CDK14: variants seen among roughly 807,000 people sequenced by gnomAD.
CDK14 encodes cyclin dependent kinase 14, also known as cyclin-dependent kinase 14.
CDK14 carries 34 observed loss-of-function variants against 60.7 expected under a neutral mutation model. The ratio of observed to expected loss-of-function variants is 0.56; its 90% CI spans 0.43 to 0.75. CDK14 has a LOEUF of 0.75. Ranked by LOEUF, CDK14 falls within the 30% of genes least tolerant of loss-of-function variation. The pLI is 0.00. For missense variants in CDK14, 482 were observed against 564.1 expected (o/e 0.85, Z 1.47); for synonymous variants, 197 against 203.7 (o/e 0.97, Z 0.28).
chr7:90,965,498 A>T (rs1441209141), intron 9 of CDK14, among the ~76,000 whole-genome samples: 1 of 152,186 alleles, frequency 6.6e-6, no homozygotes, highest in South Asian at 2.1e-4. Context: ...TCTTAGTTGG[A>T]GAGGGAGTCA....
chr7:91,029,619 C>T (rs1270437670), intron 10 of CDK14, among the ~76,000 whole-genome samples: 1 of 120,654 alleles, frequency 8.3e-6, no homozygotes, highest in Non-Finnish European at 1.7e-5. Flanking sequence ...CTCCGCTCCC[C>T]ACTCTCCTCT....
chr7:90,680,524 A>G (rs1027946271), intron 2 of CDK14, among the ~76,000 whole-genome samples: 2 of 152,240 alleles, frequency 1.3e-5, no homozygotes, highest in African/African-American at 2.4e-5. Context: ...CCCTCAGGTC[A>G]GATAGAATGA....
At chr7:91,180,422 T>G (rs1313899791) in intron 14 of CDK14, among the ~76,000 whole-genome samples, 1 of 152,170 alleles carries the variant, frequency 6.6e-6, no homozygotes, top group Admixed American at 6.5e-5. Context: ...AAAAGCAGGT[T>G]GCAAAACAGC....
chr7:90,878,514 A>G (rs1323484354), intron 6 of CDK14, among the ~76,000 whole-genome samples: 1 of 152,150 alleles, frequency 6.6e-6, no homozygotes, highest in Non-Finnish European at 1.5e-5. Context: ...TTTCTTTTAC[A>G]CAACAGACAT....
rs944761240 is a variant in CDK14 at position 90,685,472 on chromosome 7, TATTTA to T, written c.124-41089_124-41085del. Reference sequence around the variant, plus strand: ...ATTTTGATTAGCCTGGCATTGAATTTATTTAATTTATTATATTTCTTTAGAGATAG... The same window carrying T: ...ATTTTGATTAGCCTGGCATTGAATTTATTTATTATATTTCTTTAGAGATAG... On this transcript the variant is annotated intron_variant, in intron 2 of 14. Coordinates refer to ENST00000380050, the MANE Select transcript of CDK14 (RefSeq NM_001287135.2). Among the ~76,000 whole-genome samples the T allele has an allele frequency of 3.3e-5, 5 of 151,976 alleles. No individual in the cohort carries two copies. The South Asian group carries it at 6.2e-4, about 19-fold the overall frequency.
intron 2 of CDK14, among the ~76,000 whole-genome samples, chr7:90,613,442 C>T (rs992110706): frequency 2.6e-5 from 4 of 151,780 alleles, no homozygotes; most frequent in African/African-American, 9.7e-5. Context: ...GGCCTGGTGG[C>T]AATCCCAGCA....
chr7:91,054,291 C>A (rs946172631), intron 11 of CDK14, among the ~76,000 whole-genome samples: 2 of 151,946 alleles, frequency 1.3e-5, no homozygotes, highest in Non-Finnish European at 2.9e-5. Flanking sequence ...AAAATTATTA[C>A]GTAAATATCT....
chr7:91,164,261 A>G (rs1046819101), intron 14 of CDK14, among the ~76,000 whole-genome samples: 2 of 152,238 alleles, frequency 1.3e-5, no homozygotes, highest in African/African-American at 4.8e-5. Flanking sequence ...ATCCAAAACT[A>G]TGAGGAAGTC....
chr7:90,868,348 A>G (rs1179566280), intron 6 of CDK14, among the ~76,000 whole-genome samples: 2 of 151,548 alleles, frequency 1.3e-5, no homozygotes, highest in Non-Finnish European at 2.9e-5. Flanking sequence ...TTAATGGAGT[A>G]ATGGATATAT....
chr7:90,730,039 T>C (rs1043544538), intron 3 of CDK14, among the ~76,000 whole-genome samples: 4 of 152,044 alleles, frequency 2.6e-5, no homozygotes, highest in African/African-American at 7.2e-5. Context: ...TGGTGTATGA[T>C]GTTCCCCTCC....
chr7:90,771,676 G>T (rs1425140148), intron 4 of CDK14, among the ~76,000 whole-genome samples: 1 of 152,198 alleles, frequency 6.6e-6, no homozygotes, highest in Non-Finnish European at 1.5e-5. Context: ...ACCAATTGGG[G>T]GCTGAAGTGA....
At chr7:90,783,292 T>G (rs1322689579) in intron 4 of CDK14, among the ~76,000 whole-genome samples, 1 of 152,218 alleles carries the variant, frequency 6.6e-6, no homozygotes, top group Non-Finnish European at 1.5e-5. Context: ...GCTGTTATAC[T>G]ATTGTTTTAT....
intron 10 of CDK14, among the ~76,000 whole-genome samples, chr7:91,013,952 T>C (rs980190193): frequency 6.6e-6 from 1 of 151,970 alleles, no homozygotes; most frequent in African/African-American, 2.4e-5. Context: ...ACCTAATTTT[T>C]TCTTCTTTTA....
At chr7:90,686,793 T>C (rs1801446051) in intron 2 of CDK14, among the ~76,000 whole-genome samples, 1 of 152,126 alleles carries the variant, frequency 6.6e-6, no homozygotes, top group Non-Finnish European at 1.5e-5. Context: ...GAGATAAAGA[T>C]TTGTTGGGAG....
intron 6 of CDK14, among the ~76,000 whole-genome samples, chr7:90,873,991 T>C (rs1172735024): frequency 6.6e-6 from 1 of 152,220 alleles, no homozygotes; most frequent in Non-Finnish European, 1.5e-5. Flanking sequence ...AGACACATAG[T>C]GTACTGTGAC....
chr7:90,875,960 GA>G (rs1471167408), intron 6 of CDK14, among the ~76,000 whole-genome samples: 1 of 151,924 alleles, frequency 6.6e-6, no homozygotes, highest in Admixed American at 6.6e-5. Context: ...TTTTCTCACT[GA>G]AAATATTAAT....
intron 12 of CDK14, among the ~76,000 whole-genome samples, chr7:91,095,480 A>G (rs1483589867): frequency 1.3e-5 from 2 of 152,234 alleles, no homozygotes; most frequent in Non-Finnish European, 2.9e-5. Context: ...ACTTGTTAGT[A>G]TTTCTCCCAA....
chr7:90,774,506 T>A (rs2116904601), intron 4 of CDK14, among the ~76,000 whole-genome samples: 1 of 152,322 alleles, frequency 6.6e-6, no homozygotes, highest in East Asian at 1.9e-4. Context: ...TTAAAGTAAA[T>A]AATTTTGGCT....
chr7:90,625,189 A>C (rs1388089996), intron 2 of CDK14, among the ~76,000 whole-genome samples: 2 of 152,042 alleles, frequency 1.3e-5, no homozygotes, highest in Admixed American at 6.6e-5. Context: ...ATAAAAAAAA[A>C]CCTGGCCAGG....
Sources: gnomAD v4.1 joint callset for allele counts (sites outside exome capture counted in the v4.1 genomes callset) on GRCh38, gnomAD v4.1.1 for gene constraint, MANE v1.5 for transcripts, NCBI Gene and HGNC (gene_info 2026-07-23, HGNC 2026-07-21) for gene names.